PALM2AKAP2: variants seen among roughly 807,000 people sequenced by gnomAD.
The protein encoded by PALM2AKAP2 is PALM2 and AKAP2 fusion, also known as PALM2-AKAP2 fusion protein.
A neutral mutation model predicts 71.5 loss-of-function variants in PALM2AKAP2; 37 were observed. That is an observed-to-expected ratio of 0.52 (90% CI 0.40 to 0.68). The LOEUF (loss-of-function observed/expected upper bound fraction) is 0.68, where lower values mean the gene tolerates loss of function less well. Ranked by LOEUF, PALM2AKAP2 falls within the 30% of genes least tolerant of loss-of-function variation. The pLI is 0.00. For synonymous variants in PALM2AKAP2, 468 were observed against 478.8 expected (o/e 0.98, Z 0.29); for missense variants, 1,224 against 1,191.8 (o/e 1.03, Z -0.40).
chr9:109,668,713 A>G (rs1332130117), intron 1 of PALM2AKAP2, among the ~76,000 whole-genome samples: 1 of 152,234 alleles, frequency 6.6e-6, no homozygotes, highest in South Asian at 2.1e-4. Flanking sequence ...TAGGGAAGGC[A>G]GTTTTAGTTA....
At chr9:109,751,499 G>A (rs1828885641) in intron 1 of PALM2AKAP2, among the ~76,000 whole-genome samples, 1 of 152,162 alleles carries the variant, frequency 6.6e-6, no homozygotes, top group Non-Finnish European at 1.5e-5. Context: ...GCCATGCTGT[G>A]ATTTGGCTAG....
chr9:109,914,393 T>C (rs1324461521), intron 3 of PALM2AKAP2, among the ~76,000 whole-genome samples: 2 of 152,242 alleles, frequency 1.3e-5, no homozygotes, highest in Non-Finnish European at 2.9e-5. Context: ...ATGTGGCCTT[T>C]ACTCTGTGTG....
chr9:109,659,863 CAG>C (rs1372741521), intron 1 of PALM2AKAP2, among the ~76,000 whole-genome samples: 3 of 152,060 alleles, frequency 2.0e-5, no homozygotes, highest in Non-Finnish European at 4.4e-5. Flanking sequence ...TTTTTTGAGA[CAG>C]AGTCTTGCTC....
chr9:110,095,226 G>T (rs1222693833), intron 1 of PALM2AKAP2, among the ~76,000 whole-genome samples: 1 of 152,206 alleles, frequency 6.6e-6, no homozygotes, highest in Admixed American at 6.5e-5. Flanking sequence ...ACAAGGGACT[G>T]CCAGAAAACC....
chr9:109,761,092 AC>A (rs1829044899), intron 1 of PALM2AKAP2, among the ~76,000 whole-genome samples: 1 of 152,198 alleles, frequency 6.6e-6, no homozygotes, highest in South Asian at 2.1e-4. Context: ...CTTCATCTAG[AC>A]CAGTGGAGTA....
At chr9:110,066,363 G>A (rs1013757899) in intron 1 of PALM2AKAP2, among the ~76,000 whole-genome samples, 1 of 152,138 alleles carries the variant, frequency 6.6e-6, no homozygotes, top group East Asian at 1.9e-4. Flanking sequence ...GCAGATAATA[G>A]TACTTACCTC....
chr9:109,937,476 GCA>G (rs1274255120), intron 6 of PALM2AKAP2, among the ~76,000 whole-genome samples: 2 of 152,058 alleles, frequency 1.3e-5, no homozygotes, highest in Non-Finnish European at 2.9e-5. Context: ...GAATAAGCTA[GCA>G]ACATTCGTTC....
intron 1 of PALM2AKAP2, among the ~76,000 whole-genome samples, chr9:109,819,660 A>AACACACACACCCAGGGGTTTGAAC (rs1554717203): frequency 6.6e-5 from 10 of 151,558 alleles, no homozygotes; most frequent in African/African-American, 9.7e-5. Context: ...CAAGGGTTTG[A>AACACACACACCCAGGGGTTTGAAC]ACACACACAC....
intron 1 of PALM2AKAP2, among the ~76,000 whole-genome samples, chr9:109,772,750 T>C (rs1829288105): frequency 6.6e-6 from 1 of 152,192 alleles, no homozygotes; most frequent in Non-Finnish European, 1.5e-5. Flanking sequence ...TTCCAAAAAC[T>C]TGAAAGCATA....
intron 1 of PALM2AKAP2, among the ~76,000 whole-genome samples, chr9:109,696,471 A>G (rs1206932504): frequency 6.6e-6 from 1 of 152,236 alleles, no homozygotes; most frequent in Non-Finnish European, 1.5e-5. Flanking sequence ...GTGCGAGGAG[A>G]CAGAAACTCA....
At chr9:109,999,287 C>T (rs532038449) in intron 6 of PALM2AKAP2, among the ~76,000 whole-genome samples, 2 of 151,600 alleles carry the variant, frequency 1.3e-5, no homozygotes, top group East Asian at 3.9e-4. Context: ...TACAGTGAGC[C>T]AAGATCACAC....
At position 110,060,401 on chromosome 9, in the gene PALM2AKAP2, G is replaced by C. The variant is rs191372192; in HGVS notation, c.156+11546G>C. On this transcript the variant is annotated intron_variant, in intron 1 of 3. Transcript: ENST00000374525. Reference sequence around the variant, plus strand: ...GGGCCAGGTAATTTTATTTTAGCCTGACAACTACTCTTTGGGGTCCTTGGA... The same window carrying C: ...GGGCCAGGTAATTTTATTTTAGCCTCACAACTACTCTTTGGGGTCCTTGGA... 6.8e-3 allele frequency among the ~76,000 whole-genome samples: 834 copies of C among 122,204 alleles called. 5 individuals carry two copies. Among genetic ancestry groups the C allele is most frequent in the Middle Eastern group, 0.043 (8 of 184 alleles). The allele number at this position is 122,204 out of a possible 152,430, so 80.2% of individuals were successfully genotyped here.
At chr9:109,947,606 A>G (rs951744383) in intron 6 of PALM2AKAP2, among the ~76,000 whole-genome samples, 2 of 152,228 alleles carry the variant, frequency 1.3e-5, no homozygotes, top group Non-Finnish European at 2.9e-5. Flanking sequence ...TAAAACGCAG[A>G]TGGACATAGA....
At chr9:110,045,636 C>T (rs750974155), upstream of PALM2AKAP2, among the ~76,000 whole-genome samples, 4 of 152,032 alleles carry the variant, frequency 2.6e-5, no homozygotes, top group South Asian at 2.1e-4. Context: ...GGTGCAATCT[C>T]GGCTCACTGC....
intron 1 of PALM2AKAP2, among the ~76,000 whole-genome samples, chr9:109,864,496 T>C (rs1351500954): frequency 1.3e-5 from 2 of 152,222 alleles, no homozygotes; most frequent in Non-Finnish European, 2.9e-5. Context: ...TGTTAGTTCA[T>C]CCATCCTTAC....
chr9:109,915,158 A>G (rs1171908354), intron 3 of PALM2AKAP2, among the ~76,000 whole-genome samples: 2 of 152,224 alleles, frequency 1.3e-5, no homozygotes, highest in Admixed American at 1.3e-4. Flanking sequence ...GATGGAACTC[A>G]GATAATGAAA....
intron 1 of PALM2AKAP2, among the ~76,000 whole-genome samples, chr9:110,120,435 A>C (rs1311699346): frequency 1.3e-5 from 2 of 152,254 alleles, no homozygotes; most frequent in African/African-American, 2.4e-5. Context: ...AAATGTCACC[A>C]GTAGCTTCAC....
rs376319775 is a variant in PALM2AKAP2 at position 110,012,250 on chromosome 9, G to GCC, written c.497-3703_497-3702dup. Among the ~76,000 whole-genome samples the GCC allele has an allele frequency of 8.5e-4, 129 of 152,128 alleles. 1 individual carries two copies. The highest frequency in any genetic ancestry group is 3.0e-3 in the African/African-American group (125 of 41,502). Reference sequence around the variant, plus strand: ...GGAGGTTTCAGTGAGCCGAGATAGTGCCACTGCACTCCAGCCTGAGTGACA... The same window carrying GCC: ...GGAGGTTTCAGTGAGCCGAGATAGTGCCCCACTGCACTCCAGCCTGAGTGACA... On this transcript the variant is annotated intron_variant, in intron 6 of 9. Coordinates refer to the PALM2AKAP2 transcript ENST00000302798.
chr9:110,136,745 C>G, exon 2 of PALM2AKAP2: 1 of 1,614,204 alleles, frequency 6.2e-7, no homozygotes, highest in South Asian at 1.1e-5. Flanking sequence ...AGAGTTCACT[C>G]TCACCACACT....
Sources: allele counts gnomAD v4.1 joint callset (sites outside exome capture counted in the v4.1 genomes callset), GRCh38; gene constraint gnomAD v4.1.1; transcripts MANE v1.5; gene names NCBI Gene and HGNC (gene_info 2026-07-23, HGNC 2026-07-21).